The following ARB2A variants were observed in gnomAD, a reference collection of about 807,000 sequenced individuals.
ARB2A encodes the protein cotranscriptional regulator ARB2A.
chr5:93,754,122 C>T, the ARB2A span, among the ~76,000 whole-genome samples: 1 of 152,182 alleles, frequency 6.6e-6, no homozygotes, highest in Non-Finnish European at 1.5e-5. Flanking sequence ...TTGCCAGTAA[C>T]TCTGCTTTAT....
chr5:93,645,457 C>A, the ARB2A span, among the ~76,000 whole-genome samples: 2 of 151,790 alleles, frequency 1.3e-5, no homozygotes, highest in Non-Finnish European at 2.9e-5. Flanking sequence ...ACCTGTAGTC[C>A]CAGCTACTCA....
the ARB2A span, among the ~76,000 whole-genome samples, chr5:93,773,284 C>T: frequency 6.6e-6 from 1 of 152,162 alleles, no homozygotes; most frequent in Admixed American, 6.5e-5. Flanking sequence ...CCTTATGCCA[C>T]TGAATCAACA....
At chr5:93,850,088 T>C in the ARB2A span, among the ~76,000 whole-genome samples, 1 of 152,202 alleles carries the variant, frequency 6.6e-6, no homozygotes, top group Non-Finnish European at 1.5e-5. Context: ...ATATAGCTAA[T>C]GGAGTTTAAC....
chr5:93,887,483 C>T, the ARB2A span, among the ~76,000 whole-genome samples: 159 of 151,724 alleles, frequency 1.0e-3, no homozygotes, highest in African/African-American at 3.7e-3. Flanking sequence ...AATACGTGTT[C>T]GGCATCTGTA....
chr5:93,632,513 T>C, the ARB2A span, among the ~76,000 whole-genome samples: 1 of 152,224 alleles, frequency 6.6e-6, no homozygotes, highest in Non-Finnish European at 1.5e-5. Flanking sequence ...TTGCAAGTCA[T>C]ACTGAAGGGT....
At chr5:93,816,684 CTTA>C in the ARB2A span, among the ~76,000 whole-genome samples, 9 of 152,170 alleles carry the variant, frequency 5.9e-5, no homozygotes, top group African/African-American at 2.2e-4. Context: ...CAAAAAGATC[CTTA>C]TTAAAGATTA....
chr5:93,783,774 C>G, the ARB2A span, among the ~76,000 whole-genome samples: 1 of 152,092 alleles, frequency 6.6e-6, no homozygotes, highest in Non-Finnish European at 1.5e-5. Flanking sequence ...ATAATGGGAG[C>G]ATATTCAATG....
At chr5:93,714,050 T>G in the ARB2A span, among the ~76,000 whole-genome samples, 1 of 152,204 alleles carries the variant, frequency 6.6e-6, no homozygotes, top group Non-Finnish European at 1.5e-5. Context: ...ACTAGGATGC[T>G]GGAAAAATAT....
chr5:93,944,124 C>A, the ARB2A span, among the ~76,000 whole-genome samples: 4 of 151,960 alleles, frequency 2.6e-5, no homozygotes, highest in African/African-American at 9.7e-5. Context: ...TTGAGGTTTA[C>A]AAAGAATTTG....
At chr5:93,679,508 A>C in the ARB2A span, among the ~76,000 whole-genome samples, 1 of 152,112 alleles carries the variant, frequency 6.6e-6, no homozygotes, top group Non-Finnish European at 1.5e-5. Flanking sequence ...CACTAGACAA[A>C]AATTAATTTT....
the ARB2A span, chr5:93,683,196 C>A: frequency 1.5e-6 from 2 of 1,321,620 alleles, no homozygotes; most frequent in Middle Eastern, 2.4e-4. Flanking sequence ...TCATCATCAT[C>A]TTCATCATCA....
the ARB2A span, among the ~76,000 whole-genome samples, chr5:93,874,983 A>G: frequency 3.6e-4 from 55 of 152,254 alleles, no homozygotes; most frequent in African/African-American, 1.3e-3. Context: ...TGCTTTACAC[A>G]TATTATTATT....
chr5:93,763,104 A>G, the ARB2A span, among the ~76,000 whole-genome samples: 1 of 152,358 alleles, frequency 6.6e-6, no homozygotes, highest in Admixed American at 6.5e-5. Flanking sequence ...GCCAAATTGT[A>G]AAGACCATCG....
At chr5:94,103,596 C>G in the ARB2A span, among the ~76,000 whole-genome samples, 1 of 151,994 alleles carries the variant, frequency 6.6e-6, no homozygotes, top group African/African-American at 2.4e-5. Context: ...CACCCACTGA[C>G]AGTACTAGAC....
At chr5:93,914,831 G>C in the ARB2A span, among the ~76,000 whole-genome samples, 1 of 151,850 alleles carries the variant, frequency 6.6e-6, no homozygotes, top group Non-Finnish European at 1.5e-5. Context: ...AGAAGAACTC[G>C]TGAAAATCTT....
At chr5:93,961,514 G>A in the ARB2A span, among the ~76,000 whole-genome samples, 1 of 152,088 alleles carries the variant, frequency 6.6e-6, no homozygotes, top group African/African-American at 2.4e-5. Context: ...GTGAGACCCT[G>A]TCTCTACAAA....
At chr5:93,914,137 T>G in the ARB2A span, among the ~76,000 whole-genome samples, 1 of 151,952 alleles carries the variant, frequency 6.6e-6, no homozygotes, top group African/African-American at 2.4e-5. Context: ...CTACATCTTA[T>G]TAGCTGTCTT....
At chr5:93,693,510 G>A in the ARB2A span, among the ~76,000 whole-genome samples, 5 of 152,038 alleles carry the variant, frequency 3.3e-5, no homozygotes, top group African/African-American at 1.2e-4. Context: ...CCAGGAAGAA[G>A]TCAAATCCCT....
chr5:93,937,221 G>T, the ARB2A span, among the ~76,000 whole-genome samples: 1 of 151,542 alleles, frequency 6.6e-6, no homozygotes, highest in Admixed American at 6.6e-5. Flanking sequence ...GGTTCTCAGG[G>T]ATTAAAAAAC....
Sources: gnomAD v4.1 joint callset for allele counts (sites outside exome capture counted in the v4.1 genomes callset) on GRCh38, gnomAD v4.1.1 for gene constraint, MANE v1.5 for transcripts, NCBI Gene and HGNC (gene_info 2026-07-23, HGNC 2026-07-21) for gene names.